KIAA0825: variants seen among roughly 807,000 people sequenced by gnomAD.
The protein encoded by KIAA0825 is uncharacterized protein KIAA0825.
In KIAA0825, 119 loss-of-function variants were observed where a neutral mutation model predicts 147.6. The observed-to-expected ratio is 0.81, with a 90% CI of 0.69 to 0.94. The LOEUF (loss-of-function observed/expected upper bound fraction) is 0.94. Among genes scored for constraint, KIAA0825 ranks in the 40% least tolerant of loss-of-function variants. The pLI, the probability that KIAA0825 is intolerant of heterozygous loss-of-function variation, is 0.00. For synonymous variants in KIAA0825, 470 were observed against 518.1 expected, an observed-to-expected ratio of 0.91 and a Z score of 1.26; for missense variants, 1,381 against 1,472.7, an observed-to-expected ratio of 0.94 and a Z score of 1.02.
chr5:94,484,972 C>T, intron 5 of KIAA0825, 42 bp from the exon 6 acceptor site: 1 of 1,285,244 alleles, frequency 7.8e-7, no homozygotes, highest in Non-Finnish European at 1.0e-6. Context: ...ATTTTATTTA[C>T]CTTCTTAGTA....
Position 94,153,772 on chromosome 5 carries a change from A to T in KIAA0825, c.*235T>A, listed in dbSNP as rs1315323481. On this transcript the variant is annotated 3_prime_UTR_variant, in exon 21 of 21. Coordinates refer to ENST00000682413, the MANE Select transcript of KIAA0825 (RefSeq NM_001145678.3). ...AAGGGAACACGAGATGGCAGCAGTT[A>T]TATCATATAAAGAGAAAGATTGGGG... is the stretch of plus-strand genomic sequence containing the variant. 6.0e-5 allele frequency: 21 copies of T among 351,552 alleles called. No individual in the cohort carries two copies. The Admixed American group carries it at 8.7e-4, about 15-fold the overall frequency. The allele number at this position is 351,552 out of a possible 1,614,324, so 21.8% of individuals were successfully genotyped here.
At chr5:94,206,961 G>C (rs935324572) in intron 20 of KIAA0825, among the ~76,000 whole-genome samples, 1 of 152,080 alleles carries the variant, frequency 6.6e-6, no homozygotes, top group African/African-American at 2.4e-5. Flanking sequence ...TTTCTGGTTT[G>C]GGGAGGTGGA....
intron 20 of KIAA0825, among the ~76,000 whole-genome samples, chr5:94,225,470 G>A (rs962663233): frequency 1.3e-5 from 2 of 152,276 alleles, no homozygotes; most frequent in East Asian, 1.9e-4. Flanking sequence ...AAGTCCTAAC[G>A]CCAACGTAAT....
intron 2 of KIAA0825, among the ~76,000 whole-genome samples, chr5:94,572,255 T>C (rs1780120266): frequency 6.6e-6 from 1 of 152,226 alleles, no homozygotes; most frequent in Non-Finnish European, 1.5e-5. Flanking sequence ...CTTCTGCTAC[T>C]ACCATCACCC....
intron 2 of KIAA0825, among the ~76,000 whole-genome samples, chr5:94,556,106 G>A (rs1776493608): frequency 6.6e-6 from 1 of 151,378 alleles, no homozygotes; most frequent in Admixed American, 6.6e-5. Context: ...AGGCTGGAGT[G>A]CAGTGGTGCG....
chr5:94,422,685 T>C (rs1754354261), intron 14 of KIAA0825, among the ~76,000 whole-genome samples: 1 of 152,174 alleles, frequency 6.6e-6, no homozygotes, highest in Non-Finnish European at 1.5e-5. Flanking sequence ...ACATTTGTTT[T>C]GTTTTTCTAA....
intron 15 of KIAA0825, chr5:94,415,610 A>G (rs1219709516): frequency 6.6e-6 from 1 of 152,188 alleles, no homozygotes; most frequent in Non-Finnish European, 1.5e-5. Context: ...ATGTTTATGG[A>G]GCAACAACTT....
At chr5:94,268,589 C>G (rs10068800) in intron 20 of KIAA0825, among the ~76,000 whole-genome samples, 15 of 152,064 alleles carry the variant, frequency 9.9e-5, no homozygotes, top group African/African-American at 1.4e-4. Context: ...ATGAAGAGAC[C>G]ACTAGCAGCT....
intron 5 of KIAA0825, among the ~76,000 whole-genome samples, chr5:94,502,509 A>G (rs974824760): frequency 6.6e-6 from 1 of 152,320 alleles, no homozygotes; most frequent in African/African-American, 2.4e-5. Flanking sequence ...ATGAATTCTT[A>G]TATGTGCATA....
At chr5:94,234,058 A>G (rs1774887516) in intron 20 of KIAA0825, among the ~76,000 whole-genome samples, 1 of 152,132 alleles carries the variant, frequency 6.6e-6, no homozygotes, top group Non-Finnish European at 1.5e-5. Context: ...AAACTTTTTC[A>G]TTATTATCAT....
At chr5:94,609,498 T>C (rs1363842366) in intron 1 of KIAA0825, among the ~76,000 whole-genome samples, 1 of 152,154 alleles carries the variant, frequency 6.6e-6, no homozygotes, top group African/African-American at 2.4e-5. Context: ...TCTTCAGTAA[T>C]TTTTAAGAGT....
intron 14 of KIAA0825, among the ~76,000 whole-genome samples, chr5:94,436,919 G>T (rs1756451861): frequency 6.6e-6 from 1 of 151,984 alleles, no homozygotes; most frequent in African/African-American, 2.4e-5. Context: ...TTGGCTTTTG[G>T]CTTGACTGTT....
intron 2 of KIAA0825, among the ~76,000 whole-genome samples, chr5:94,540,238 A>G (rs1773014908): frequency 6.6e-6 from 1 of 152,224 alleles, no homozygotes; most frequent in African/African-American, 2.4e-5. Flanking sequence ...AGCTGTAGTG[A>G]AGCTGGTATA....
chr5:94,612,325 T>G (rs917889689), intron 1 of KIAA0825, among the ~76,000 whole-genome samples: 1 of 152,198 alleles, frequency 6.6e-6, no homozygotes, highest in South Asian at 2.1e-4. Flanking sequence ...ATACCTAACA[T>G]TGAATACCGT....
chr5:94,372,359 C>T (rs1224279663), intron 20 of KIAA0825, among the ~76,000 whole-genome samples: 5 of 152,256 alleles, frequency 3.3e-5, no homozygotes, highest in Admixed American at 6.5e-5. Context: ...AGCAGAGGTT[C>T]TCCATGAGGG....
At chr5:94,497,783 G>C (rs1004722310) in intron 5 of KIAA0825, among the ~76,000 whole-genome samples, 4 of 152,196 alleles carry the variant, frequency 2.6e-5, no homozygotes, top group African/African-American at 7.2e-5. Flanking sequence ...CACTCCCACT[G>C]TTTATGATTC....
At chr5:94,225,254 TAA>T (rs1323505226) in intron 20 of KIAA0825, among the ~76,000 whole-genome samples, 1 of 152,222 alleles carries the variant, frequency 6.6e-6, no homozygotes, top group African/African-American at 2.4e-5. Context: ...AGCATAAATT[TAA>T]GAGTAAAAAA....
At chr5:94,496,837 T>C (rs1764425768) in intron 5 of KIAA0825, among the ~76,000 whole-genome samples, 1 of 152,046 alleles carries the variant, frequency 6.6e-6, no homozygotes, top group Non-Finnish European at 1.5e-5. Context: ...AGGGAGGGTA[T>C]TAAATGAAAA....
intron 20 of KIAA0825, among the ~76,000 whole-genome samples, chr5:94,353,413 G>A (rs2150372950): frequency 6.6e-6 from 1 of 152,064 alleles, no homozygotes; most frequent in African/African-American, 2.4e-5. Flanking sequence ...CCTTTTTACT[G>A]TTAATTTCAT....
Sources: gnomAD v4.1 joint callset for allele counts (sites outside exome capture counted in the v4.1 genomes callset) on GRCh38, gnomAD v4.1.1 for gene constraint, MANE v1.5 for transcripts, NCBI Gene and HGNC (gene_info 2026-07-23, HGNC 2026-07-21) for gene names.